EIF3B: variants seen among roughly 807,000 people sequenced by gnomAD.
The protein encoded by EIF3B is eukaryotic translation initiation factor 3 subunit B.
A neutral mutation model predicts 104.6 loss-of-function variants in EIF3B; 10 were observed. The ratio of observed to expected loss-of-function variants is 0.10; its 90% CI spans 0.06 to 0.16. The LOEUF (loss-of-function observed/expected upper bound fraction) is 0.16, where lower values mean the gene tolerates loss of function less well. Ranked by LOEUF, EIF3B falls within the 10% of genes least tolerant of loss-of-function variation. The probability of loss-of-function intolerance (pLI) is 1.00; values close to 1 mark genes in which losing one functional copy is unlikely to be tolerated. For synonymous variants in EIF3B, 542 were observed against 417.2 expected (o/e 1.30, Z -3.65); for missense variants, 1,014 against 1,087.9 (o/e 0.93, Z 0.96).
At position 2,367,043 on chromosome 7, in the gene EIF3B, A is replaced by G. The variant is rs138033670; in HGVS notation, c.1401A>G (p.Ile467Met). Reference protein sequence around the residue: ...LDKKSLKISGIKDFSWSPGGN... With the variant: ...LDKKSLKISGMKDFSWSPGGN... Reference sequence around the variant, plus strand: ...AGAAGAGTTTGAAGATCTCTGGGATAAAGTGAGTATTCTTATCAGTTTGGT... The same window carrying G: ...AGAAGAGTTTGAAGATCTCTGGGATGAAGTGAGTATTCTTATCAGTTTGGT... Residue 467 changes from isoleucine (I) to methionine (M), a missense_variant and splice_region_variant, in exon 9 of 19, where the codon ATA becomes ATG. By Grantham distance (10) the Ile-to-Met change is conservative. This residue lies in a region of EIF3B where 201 missense variants were observed against 240.7 expected (regional missense o/e 0.83). Coordinates refer to ENST00000360876, the MANE Select transcript of EIF3B (RefSeq NM_001037283.2). The G allele has an allele frequency of 4.9e-5, 79 of 1,613,402 alleles. No homozygotes were observed. Among genetic ancestry groups the G allele is most frequent in the Non-Finnish European group, 6.4e-5 (75 of 1,179,792 alleles).
intron 2 of EIF3B, among the ~76,000 whole-genome samples, chr7:2,362,319 T>G (rs77459081): frequency 0.013 from 1,939 of 152,300 alleles, 46 homozygotes; most frequent in African/African-American, 0.044. Flanking sequence ...CTGCATAGTT[T>G]TAAAGCGTAC....
intron 9 of EIF3B, among the ~76,000 whole-genome samples, chr7:2,368,143 C>T (rs1169774613): frequency 2.0e-5 from 3 of 151,818 alleles, no homozygotes; most frequent in Non-Finnish European, 4.4e-5. Context: ...CACACCCAGC[C>T]ATTTTTAAAT....
At chr7:2,363,984 G>A (rs1011065905) in intron 5 of EIF3B, among the ~76,000 whole-genome samples, 3 of 152,184 alleles carry the variant, frequency 2.0e-5, no homozygotes, top group Admixed American at 6.5e-5. Context: ...AGAATAGGCC[G>A]GGCGCGGTGG....
chr7:2,363,584 T>C, intron 4 of EIF3B, 48 bp from the exon 5 acceptor site: 1 of 1,549,854 alleles, frequency 6.5e-7, no homozygotes, highest in Non-Finnish European at 8.8e-7. Context: ...TGAATGAGTT[T>C]TTTATTAAAA....
rs748701494 is a variant in EIF3B at position 2,362,660 on chromosome 7, G to T, written c.708G>T (p.Glu236Asp). The T allele has an allele frequency of 7.4e-6, 12 of 1,614,124 alleles. 1 individual carries two copies. In the South Asian group the frequency reaches 9.9e-5, roughly 13 times the overall value. The change falls in exon 3 of 19, where the codon GAG (glutamate) becomes GAT (aspartate). Residue 236 changes from glutamate (E) to aspartate (D), a missense_variant. This residue lies in a region of EIF3B where 488 missense variants were observed against 404.3 expected (regional missense o/e 1.21). Transcript: ENST00000360876. ...DGKTKGYIFL[E>D]YASPAHAVDA... ...TCTCACTCAGGTATATTTTCCTGGA[G>T]TACGCGTCCCCTGCCCACGCTGTGG...
chr7:2,363,188 C>A (rs368705459), intron 4 of EIF3B, 61 bp downstream of exon 4: 2 of 1,520,924 alleles, frequency 1.3e-6, no homozygotes, highest in South Asian at 1.1e-5. Flanking sequence ...TGTGGTGGGT[C>A]ACACCTGCAA....
chr7:2,376,920 G>T (rs958056877), intron 14 of EIF3B, 30 bp from the exon 15 acceptor site: 5 of 1,602,604 alleles, frequency 3.1e-6, no homozygotes, highest in Non-Finnish European at 3.4e-6. Flanking sequence ...TGACCCCTCT[G>T]TGTCCTGGTG....
At chr7:2,358,541 A>C (rs1181042374) in intron 1 of EIF3B, among the ~76,000 whole-genome samples, 1 of 151,926 alleles carries the variant, frequency 6.6e-6, no homozygotes, top group Non-Finnish European at 1.5e-5. Context: ...TATTATTATT[A>C]TTTGAGATGG....
chr7:2,379,867 C>T (rs1780901230), intron 18 of EIF3B: 6 of 301,714 alleles, frequency 2.0e-5, no homozygotes, highest in Non-Finnish European at 3.8e-5. Flanking sequence ...CACTGGCGTG[C>T]ACGGCTGTGA....
upstream of EIF3B, chr7:2,354,781 C>T (rs1295374958): frequency 6.1e-6 from 5 of 816,894 alleles, no homozygotes; most frequent in Non-Finnish European, 7.5e-6. Context: ...GGCGTGGGTG[C>T]GCCCCCCGCC....
chr7:2,371,689 T>G (rs1780348134), intron 10 of EIF3B, 88 bp from the exon 11 acceptor site: 2 of 1,064,116 alleles, frequency 1.9e-6, no homozygotes, highest in Non-Finnish European at 1.5e-6. Context: ...ACACTGAATC[T>G]TTCATTGTGA....
At chr7:2,355,627 A>G (rs1779376445) in intron 1 of EIF3B, among the ~76,000 whole-genome samples, 1 of 151,738 alleles carries the variant, frequency 6.6e-6, no homozygotes, top group African/African-American at 2.4e-5. Flanking sequence ...TCTTTCCTGA[A>G]AAAGGGGACA....
chr7:2,363,550 T>A, intron 4 of EIF3B, 82 bp from the exon 5 acceptor site: 1 of 1,295,606 alleles, frequency 7.7e-7, no homozygotes, highest in Non-Finnish European at 1.1e-6. Context: ...ACTGAACTTG[T>A]CATATCTTTA....
Position 2,379,508 on chromosome 7 carries a change from T to C in EIF3B, c.*11T>C. 6.4e-7 allele frequency: 1 copy of C among 1,557,812 alleles called. No homozygotes were observed. The highest frequency in any genetic ancestry group is 8.7e-7 in the Non-Finnish European group (1 of 1,148,378). On this transcript the variant is annotated 3_prime_UTR_variant, in exon 18 of 19. Transcript: ENST00000360876. ...GGGAATCAGGAGTGACCTGGAGCAC[T>C]GTGGTGAGCGTCTGCAGGGGGCGCG... is the stretch of plus-strand genomic sequence containing the variant.
chr7:2,369,886 T>C (rs1223369480), intron 10 of EIF3B, among the ~76,000 whole-genome samples: 1 of 146,410 alleles, frequency 6.8e-6, no homozygotes, highest in Non-Finnish European at 1.5e-5. Context: ...AAATGATTCT[T>C]CTGCCTCAGC....
intron 2 of EIF3B, among the ~76,000 whole-genome samples, chr7:2,361,952 CTTATTTATTTAT>C (rs60402825): frequency 1.6e-3 from 243 of 148,748 alleles, no homozygotes; most frequent in African/African-American, 5.7e-3. Context: ...TGCTTGCTTG[CTTATTTATTTAT>C]TTATTTATTT....
upstream of EIF3B, chr7:2,354,450 G>C (rs1447042620): frequency 6.6e-6 from 1 of 152,210 alleles, no homozygotes; most frequent in Non-Finnish European, 1.5e-5. Context: ...CTCTTCCAGG[G>C]TATTAACTGT....
At chr7:2,367,222 C>T (rs1326600705) in intron 9 of EIF3B, 177 bp downstream of exon 9, 6 of 578,388 alleles carry the variant, frequency 1.0e-5, no homozygotes, top group Non-Finnish European at 1.5e-5. Context: ...TGTCTGGTGA[C>T]GGCCCACCTC....
At chr7:2,370,078 A>G (rs976367432) in intron 10 of EIF3B, among the ~76,000 whole-genome samples, 8 of 152,120 alleles carry the variant, frequency 5.3e-5, no homozygotes, top group African/African-American at 1.9e-4. Flanking sequence ...TGCCTGGCTG[A>G]GAATATTATT....
Sources: allele counts gnomAD v4.1 joint callset (sites outside exome capture counted in the v4.1 genomes callset), GRCh38; gene constraint gnomAD v4.1.1; regional missense constraint gnomAD v4.1.1; transcripts MANE v1.5; gene names NCBI Gene and HGNC (gene_info 2026-07-23, HGNC 2026-07-21).